Variants in RTN1 observed in about 807,000 individuals in gnomAD.
RTN1 encodes reticulon-1.
RTN1 carries 25 observed loss-of-function variants against 65.5 expected under a neutral mutation model. That is an observed-to-expected ratio of 0.38 (90% CI 0.28 to 0.53). RTN1 has a LOEUF of 0.53. RTN1 is among the 20% of genes least tolerant of loss of function. RTN1 has a pLI of 0.79. For missense variants in RTN1, 983 were observed against 1,025.4 expected (o/e 0.96, Z 0.57); for synonymous variants, 471 against 447.6 (o/e 1.05, Z -0.66).
rs373427320 is a variant in RTN1 at position 59,693,838 on chromosome 14, A to C, written c.1765+33081T>G. ...TTGAGACAATGTTGCTACAGAAAAA[A>C]TGTGCCCAGTACAAGAATCCCTGAG... On this transcript the variant is annotated intron_variant, in intron 3 of 8. Transcript: ENST00000267484. Among the ~76,000 whole-genome samples the C allele has an allele frequency of 5.2e-4, 79 of 152,288 alleles. No homozygotes were observed. The South Asian group carries it at 8.7e-3, about 17-fold the overall frequency.
chr14:59,809,614 C>T (rs1472909310), intron 1 of RTN1, among the ~76,000 whole-genome samples: 6 of 152,084 alleles, frequency 3.9e-5, no homozygotes, highest in African/African-American at 1.4e-4. Context: ...ACTGTCTTTC[C>T]TTGTTGTAAG....
chr14:59,860,751 C>T (rs1181479126), intron 1 of RTN1, among the ~76,000 whole-genome samples: 1 of 152,166 alleles, frequency 6.6e-6, no homozygotes, highest in African/African-American at 2.4e-5. Context: ...TGCCCAAGAT[C>T]ATGGGAACCC....
At chr14:59,600,426 T>C (rs917557971) in intron 8 of RTN1, among the ~76,000 whole-genome samples, 1 of 152,204 alleles carries the variant, frequency 6.6e-6, no homozygotes, top group African/African-American at 2.4e-5. Flanking sequence ...CAAATAACAT[T>C]TATGATGAGC....
intron 3 of RTN1, among the ~76,000 whole-genome samples, chr14:59,613,448 G>A (rs993846666): frequency 2.9e-4 from 44 of 152,012 alleles, no homozygotes; most frequent in African/African-American, 7.5e-4. Flanking sequence ...ATAGGTGCGC[G>A]CAAACACGCC....
intron 4 of RTN1, 155 bp from the exon 5 acceptor site, chr14:59,605,661 G>GCACCGTA: frequency 1.5e-6 from 1 of 665,628 alleles, no homozygotes; most frequent in Non-Finnish European, 2.5e-6. Flanking sequence ...GGGCCACAGG[G>GCACCGTA]CACCGTACAC....
chr14:59,834,759 A>T (rs1249429918), intron 1 of RTN1, among the ~76,000 whole-genome samples: 1 of 152,214 alleles, frequency 6.6e-6, no homozygotes, highest in Non-Finnish European at 1.5e-5. Context: ...CAAAAAATTC[A>T]AAATGATGAT....
At position 59,726,676 on chromosome 14, in the gene RTN1, T is replaced by A. The variant is rs548650260; in HGVS notation, c.1765+243A>T. On this transcript the variant is annotated intron_variant, in intron 3 of 8. Coordinates refer to ENST00000267484, the MANE Select transcript of RTN1 (RefSeq NM_021136.3). ...GGAGTGAACACAAAACCGCTCATTA[T>A]TAGGGAGGCTGGGTTCAGCCAGTCC... is the stretch of plus-strand genomic sequence containing the variant. 2.0e-5 allele frequency among the ~76,000 whole-genome samples: 3 copies of A among 152,322 alleles called. No individual in the cohort carries two copies. The East Asian group carries it at 5.8e-4, about 29-fold the overall frequency.
chr14:59,759,938 G>C (rs776827025), intron 1 of RTN1, among the ~76,000 whole-genome samples: 1 of 152,178 alleles, frequency 6.6e-6, no homozygotes, highest in Admixed American at 6.5e-5. Context: ...ACCCCAATGG[G>C]AGGCAATTTG....
chr14:59,796,996 C>A (rs2139595860), intron 1 of RTN1, among the ~76,000 whole-genome samples: 1 of 152,220 alleles, frequency 6.6e-6, no homozygotes, highest in African/African-American at 2.4e-5. Flanking sequence ...TATATATGAA[C>A]TCAATTGCAA....
At chr14:59,749,034 C>A (rs1171663929) in intron 1 of RTN1, among the ~76,000 whole-genome samples, 1 of 149,170 alleles carries the variant, frequency 6.7e-6, no homozygotes, top group Admixed American at 6.8e-5. Context: ...GGTGATCCTC[C>A]CACCATGGCC....
chr14:59,819,088 TC>T (rs1886874808), intron 1 of RTN1, among the ~76,000 whole-genome samples: 1 of 152,106 alleles, frequency 6.6e-6, no homozygotes, highest in South Asian at 2.1e-4. Flanking sequence ...CGTTGGTTCT[TC>T]CCGTCCAGAG....
In RTN1 at chr14:59,825,228, A is replaced by G. The variant is rs1566739476; in HGVS notation, c.241+45162T>C. Among the ~76,000 whole-genome samples, 2 of 152,208 alleles carry G rather than the reference A, an allele frequency of 1.3e-5. No individual in the cohort carries two copies. Among genetic ancestry groups the G allele is most frequent in the Non-Finnish European group, 1.5e-5 (1 of 68,036 alleles). On this transcript the variant is annotated intron_variant, in intron 1 of 8. Transcript: ENST00000267484. The surrounding 1 kb of genome is among the most constrained non-coding windows in gnomAD (Gnocchi z 4.2). ...ATGTCTATTAAAAATGTCTCCAGAC[A>G]TTGACAAATTTCCCCTGGGAAGAAA...
In RTN1 at chr14:59,870,330, G is replaced by C. The variant is rs1404725469; in HGVS notation, c.241+60C>G. The stretch of plus-strand genomic sequence containing the variant: ...GTGCCCAGGAGAGCCGCGCAGAAGG[G>C]GACTGACTGGGGGGCCCTGGTCCCC... On this transcript the variant is annotated intron_variant, in intron 1 of 8. Coordinates refer to ENST00000267484, the MANE Select transcript of RTN1 (RefSeq NM_021136.3). This position sits in a 1 kb window ranked among gnomAD's most constrained non-coding sequence, Gnocchi z 5.1. 4 of 1,404,674 alleles carry C rather than the reference G, an allele frequency of 2.8e-6. No individual in the cohort carries two copies. The African/African-American group carries it at 4.4e-5, about 16-fold the overall frequency. The allele number at this position is 1,404,674 out of a possible 1,614,324, so 87.0% of individuals were successfully genotyped here.
chr14:59,784,461 T>C (rs1232090636), intron 1 of RTN1, among the ~76,000 whole-genome samples: 4 of 149,352 alleles, frequency 2.7e-5, no homozygotes, highest in Admixed American at 6.6e-5. Flanking sequence ...AAAAAAAAAA[T>C]TGTCCTATCA....
At chr14:59,661,493 A>C (rs893683830) in intron 3 of RTN1, among the ~76,000 whole-genome samples, 1 of 152,190 alleles carries the variant, frequency 6.6e-6, no homozygotes, top group Admixed American at 6.5e-5. Context: ...ATCAATGCAA[A>C]AATCCTCAAT....
At chr14:59,711,637 C>T (rs928191259) in intron 3 of RTN1, among the ~76,000 whole-genome samples, 1 of 152,202 alleles carries the variant, frequency 6.6e-6, no homozygotes, top group Non-Finnish European at 1.5e-5. Flanking sequence ...GACCCCACTA[C>T]TCACTAGGCA....
Position 59,727,900 on chromosome 14 carries a change from C to T in RTN1, c.1016-232G>A. Among the ~76,000 whole-genome samples the T allele has an allele frequency of 6.6e-6, 1 of 152,190 alleles. No individual in the cohort carries two copies. The highest frequency in any genetic ancestry group is 1.9e-4 in the East Asian group (1 of 5,202). Reference sequence around the variant, plus strand: ...TATGGCCCAATTAATTAGTGTTTTACAGACCTCTCTATCTTCAGCTAGCTA... The same window carrying T: ...TATGGCCCAATTAATTAGTGTTTTATAGACCTCTCTATCTTCAGCTAGCTA... On this transcript the variant is annotated intron_variant, in intron 2 of 8. Transcript: ENST00000267484. The surrounding 1 kb of genome is among the most constrained non-coding windows in gnomAD (Gnocchi z 4.2).
intron 1 of RTN1, among the ~76,000 whole-genome samples, chr14:59,763,514 A>T (rs8007978): frequency 0.086 from 13,004 of 150,896 alleles, 1,763 homozygotes; most frequent in African/African-American, 0.29. Context: ...ATTCATAACA[A>T]TAACACAATT....
chr14:59,840,261 C>T (rs1489224542), intron 1 of RTN1, among the ~76,000 whole-genome samples: 1 of 152,072 alleles, frequency 6.6e-6, no homozygotes, highest in Non-Finnish European at 1.5e-5. Flanking sequence ...TCTTTTTTCC[C>T]ATCCATAAAA....
Sources: allele counts gnomAD v4.1 joint callset (sites outside exome capture counted in the v4.1 genomes callset), GRCh38; gene constraint gnomAD v4.1.1; non-coding constraint Gnocchi (gnomAD v3.1); transcripts MANE v1.5; gene names NCBI Gene and HGNC (gene_info 2026-07-23, HGNC 2026-07-21).